BANK1: variants seen among roughly 807,000 people sequenced by gnomAD.
The protein encoded by BANK1 is B cell scaffold protein with ankyrin repeats 1, also known as B-cell scaffold protein with ankyrin repeats.
A neutral mutation model predicts 94.5 loss-of-function variants in BANK1; 95 were observed. That is an observed-to-expected ratio of 1.00 (90% confidence interval 0.85 to 1.19). The LOEUF is 1.19. Among genes scored for constraint, BANK1 ranks in the 50% most tolerant of loss-of-function variants. BANK1 has a pLI of 0.00. For missense variants in BANK1, 987 were observed against 932.2 expected, an observed-to-expected ratio of 1.06 and a Z score of -0.77; for synonymous variants, 334 against 308.4, an observed-to-expected ratio of 1.08 and a Z score of -0.87.
chr4:102,058,020 A>G (rs539980945), intron 11 of BANK1, among the ~76,000 whole-genome samples: 1 of 152,248 alleles, frequency 6.6e-6, no homozygotes, highest in Non-Finnish European at 1.5e-5. Context: ...TGTACTTGTT[A>G]TAATATAATA....
chr4:101,906,438 T>C (rs74970557), intron 6 of BANK1, among the ~76,000 whole-genome samples: 119 of 152,244 alleles, frequency 7.8e-4, no homozygotes, highest in African/African-American at 2.7e-3. Flanking sequence ...AGAGTGGTCG[T>C]TCAAGGCGCT....
At chr4:101,935,539 G>A (rs1417178572) in intron 7 of BANK1, among the ~76,000 whole-genome samples, 1 of 151,362 alleles carries the variant, frequency 6.6e-6, no homozygotes, top group East Asian at 2.0e-4. Flanking sequence ...TGAAAGTGGG[G>A]GAGTTAAAAG....
chr4:101,916,979 T>C (rs1156377384), intron 6 of BANK1, among the ~76,000 whole-genome samples: 1 of 152,030 alleles, frequency 6.6e-6, no homozygotes, highest in Non-Finnish European at 1.5e-5. Context: ...AACAAATCTA[T>C]TATTTTAACC....
At chr4:101,887,794 A>G (rs1353628477) in intron 5 of BANK1, among the ~76,000 whole-genome samples, 2 of 152,204 alleles carry the variant, frequency 1.3e-5, no homozygotes, top group African/African-American at 4.8e-5. Context: ...AGATATTGCA[A>G]TTCAAAGAAA....
intron 11 of BANK1, among the ~76,000 whole-genome samples, chr4:102,050,977 A>AAATC (rs1441869717): frequency 6.6e-6 from 1 of 152,166 alleles, no homozygotes; most frequent in Non-Finnish European, 1.5e-5. Context: ...CGAGACTACA[A>AAATC]AATCATTATT....
In BANK1 at chr4:101,986,873, A is replaced by ATGTGTGTGTGTG. The variant is rs1164357630; in HGVS notation, c.1207-34625_1207-34614dup. Among the ~76,000 whole-genome samples, 73 of 46,876 alleles carry ATGTGTGTGTGTG rather than the reference A, an allele frequency of 1.6e-3. 4 individuals carry two copies. Among genetic ancestry groups the ATGTGTGTGTGTG allele is most frequent in the African/African-American group, 2.6e-3 (25 of 9,652 alleles). The allele number at this position is 46,876 out of a possible 152,430, so 30.8% of individuals were successfully genotyped here. A position where few individuals can be genotyped will look rare whatever the true frequency, so the allele number is the denominator to read the frequency against. On this transcript the variant is annotated intron_variant, in intron 7 of 16. Coordinates refer to ENST00000322953, the MANE Select transcript of BANK1 (RefSeq NM_017935.5). Reference sequence around the variant, plus strand: ...TATATATGTATATATATATGTGTGTATGTGTGTGTGTGTGTGTGTGTGTGT... The same window carrying ATGTGTGTGTGTG: ...TATATATGTATATATATATGTGTGTATGTGTGTGTGTGTGTGTGTGTGTGTGTGTGTGTGTGT...
At chr4:101,940,137 A>G (rs762937769) in intron 7 of BANK1, among the ~76,000 whole-genome samples, 11 of 151,684 alleles carry the variant, frequency 7.3e-5, no homozygotes, top group Non-Finnish European at 1.6e-4. Flanking sequence ...CTTGGACATG[A>G]TTATGAGATA....
intron 7 of BANK1, among the ~76,000 whole-genome samples, chr4:101,934,024 T>A (rs899605205): frequency 6.6e-6 from 1 of 151,406 alleles, no homozygotes; most frequent in Non-Finnish European, 1.5e-5. Context: ...CACGTAAATA[T>A]TGTGAACCCT....
At chr4:102,053,045 G>C (rs767730211) in intron 11 of BANK1, among the ~76,000 whole-genome samples, 3 of 152,178 alleles carry the variant, frequency 2.0e-5, no homozygotes, top group Non-Finnish European at 2.9e-5. Context: ...CACAACAAAA[G>C]GGACTCACAC....
intron 7 of BANK1, among the ~76,000 whole-genome samples, chr4:101,986,823 G>GTATATATATGTA (rs1452194190): frequency 1.7e-5 from 2 of 115,408 alleles, no homozygotes; most frequent in Non-Finnish European, 3.5e-5. Context: ...ATATATATGT[G>GTATATATATGTA]TATATATATG....
chr4:101,867,418 C>A (rs985741915), intron 4 of BANK1, among the ~76,000 whole-genome samples: 5 of 151,822 alleles, frequency 3.3e-5, no homozygotes, highest in African/African-American at 1.2e-4. Context: ...AAAAGAAGTT[C>A]TTTGGGAAAG....
At chr4:101,870,795 G>A in intron 5 of BANK1, 151 bp downstream of exon 5, 2 of 896,076 alleles carry the variant, frequency 2.2e-6, no homozygotes, top group Non-Finnish European at 3.2e-6. Flanking sequence ...AACCTCTGTT[G>A]TGCCAAAATG....
At chr4:102,018,018 T>G (rs1216495026) in intron 7 of BANK1, among the ~76,000 whole-genome samples, 1 of 152,188 alleles carries the variant, frequency 6.6e-6, no homozygotes, top group East Asian at 1.9e-4. Flanking sequence ...AATGTGCTTT[T>G]AGGTCATATC....
intron 13 of BANK1, among the ~76,000 whole-genome samples, chr4:102,067,259 G>A (rs919674167): frequency 6.6e-6 from 1 of 152,002 alleles, no homozygotes; most frequent in African/African-American, 2.4e-5. Context: ...TAAAAAAATG[G>A]AAAAGTGAGG....
At chr4:101,955,496 A>T (rs1724307538) in intron 7 of BANK1, among the ~76,000 whole-genome samples, 1 of 151,980 alleles carries the variant, frequency 6.6e-6, no homozygotes, top group Non-Finnish European at 1.5e-5. Context: ...TGATGCCATG[A>T]ATTTTGCCAC....
At chr4:101,878,580 C>T (rs190141760) in intron 5 of BANK1, among the ~76,000 whole-genome samples, 47 of 152,226 alleles carry the variant, frequency 3.1e-4, no homozygotes, top group African/African-American at 1.1e-3. Context: ...AAGCATTGGA[C>T]TTAATCTGCA....
chr4:101,859,871 G>T (rs1180540243), intron 3 of BANK1, among the ~76,000 whole-genome samples: 2 of 152,124 alleles, frequency 1.3e-5, no homozygotes, highest in African/African-American at 4.8e-5. Context: ...TAGCTAGAAA[G>T]GCAAGACACA....
intron 1 of BANK1, among the ~76,000 whole-genome samples, chr4:101,795,403 A>G (rs528902386): frequency 4.6e-5 from 7 of 152,116 alleles, no homozygotes; most frequent in Non-Finnish European, 1.0e-4. Context: ...TTAAAGGTGA[A>G]ACTTTTAAGT....
intron 13 of BANK1, among the ~76,000 whole-genome samples, chr4:102,067,074 A>G (rs1560718464): frequency 6.6e-6 from 1 of 152,162 alleles, no homozygotes; most frequent in Non-Finnish European, 1.5e-5. Flanking sequence ...GGGGTATACT[A>G]CTGTCTCAAA....
Sources: gnomAD v4.1 joint callset for allele counts (sites outside exome capture counted in the v4.1 genomes callset) on GRCh38, gnomAD v4.1.1 for gene constraint, MANE v1.5 for transcripts, NCBI Gene and HGNC (gene_info 2026-07-23, HGNC 2026-07-21) for gene names.